The following MGAT5B variants were observed in gnomAD, a reference collection of about 807,000 sequenced individuals.
The protein encoded by MGAT5B is N-acetylglucosaminyl-transferase Vb.
A neutral mutation model predicts 95.1 loss-of-function variants in MGAT5B; 54 were observed. That is an observed-to-expected ratio of 0.57 (90% CI 0.46 to 0.71). MGAT5B has a LOEUF of 0.71. MGAT5B is among the 30% of genes least tolerant of loss of function. The pLI is 0.00. For missense variants in MGAT5B, 935 were observed against 1,088.6 expected, an observed-to-expected ratio of 0.86 and a Z score of 1.99; for synonymous variants, 464 against 451.0, an observed-to-expected ratio of 1.03 and a Z score of -0.36.
chr17:76,914,956 A>G lies in MGAT5B; in HGVS notation c.1025+8769A>G, dbSNP rs1230271439. On this transcript the variant is annotated intron_variant, in intron 8 of 17. Coordinates refer to ENST00000569840, the MANE Select transcript of MGAT5B (RefSeq NM_001199172.2). The surrounding 1 kb of genome is among the most constrained non-coding windows in gnomAD (Gnocchi z 5.1). ...CCCGGCCACGTTTCTTCTTTTTATA[A>G]GGACACCAGTCAACTTGGATTAGGG... 6.6e-6 allele frequency among the ~76,000 whole-genome samples: 1 copy of G among 152,158 alleles called. No individual in the cohort carries two copies. The highest frequency in any genetic ancestry group is 1.5e-5 in the Non-Finnish European group (1 of 68,030).
intron 1 of MGAT5B, 39 bp from the exon 2 acceptor site, chr17:76,872,812 C>T: frequency 1.2e-6 from 2 of 1,614,162 alleles, no homozygotes; most frequent in Non-Finnish European, 1.7e-6. Context: ...GCACGATGGC[C>T]CTTCCTGCCC....
At chr17:76,939,175 C>T (rs1440635914) in intron 13 of MGAT5B, among the ~76,000 whole-genome samples, 1 of 151,758 alleles carries the variant, frequency 6.6e-6, no homozygotes, top group Non-Finnish European at 1.5e-5. Flanking sequence ...TGAGGCCAGC[C>T]CTGTGCACTC....
At chr17:76,933,762 T>C (rs999069573) in intron 12 of MGAT5B, among the ~76,000 whole-genome samples, 1 of 152,202 alleles carries the variant, frequency 6.6e-6, no homozygotes, top group South Asian at 2.1e-4. Context: ...ATAATCGTGA[T>C]TTAAACAAGA....
At chr17:76,879,896 G>A (rs756860171) in intron 2 of MGAT5B, among the ~76,000 whole-genome samples, 28 of 152,210 alleles carry the variant, frequency 1.8e-4, no homozygotes, top group East Asian at 3.9e-4. Flanking sequence ...AGTTATGAGC[G>A]ATGGCTCACC....
intron 3 of MGAT5B, among the ~76,000 whole-genome samples, chr17:76,890,533 T>G (rs1341900299): frequency 3.3e-5 from 5 of 152,208 alleles, no homozygotes; most frequent in African/African-American, 9.6e-5. Flanking sequence ...AGACAGGGTC[T>G]CCCTCTGTTG....
Position 76,949,713 on chromosome 17 carries a change from CAG to C in MGAT5B, c.*879_*880del, listed in dbSNP as rs1376784540. On this transcript the variant is annotated 3_prime_UTR_variant, in exon 18 of 18. Coordinates refer to ENST00000569840, the MANE Select transcript of MGAT5B (RefSeq NM_001199172.2). ...AAGGGGCAGGTTTCCAGTCCAGCCTCAGAGATCAGGCTCTGGGACCCCTGCCT... is the reference window on the plus strand; with the variant it reads ...AAGGGGCAGGTTTCCAGTCCAGCCTCAGATCAGGCTCTGGGACCCCTGCCT... The C allele has an allele frequency of 6.6e-6, 1 of 152,200 alleles. No individual in the cohort carries two copies. The highest frequency in any genetic ancestry group is 2.4e-5 in the African/African-American group (1 of 41,426). The allele number at this position is 152,200 out of a possible 1,614,324, so 9.4% of individuals were successfully genotyped here.
At chr17:76,922,566 C>T (rs1969153012) in intron 8 of MGAT5B, among the ~76,000 whole-genome samples, 1 of 152,212 alleles carries the variant, frequency 6.6e-6, no homozygotes, top group Non-Finnish European at 1.5e-5. Flanking sequence ...AAACCTACCA[C>T]CAAATATTTC....
Position 76,924,840 on chromosome 17 carries a change from CCTTT to C in MGAT5B, c.1026-123_1026-120del. The stretch of plus-strand genomic sequence containing the variant: ...CCGTACAGGGCCATCCTGCTCACTT[CCTTT>C]CTGAGAGTCTGTGCTAAGCTCTCTG... On this transcript the variant is annotated intron_variant, in intron 8 of 17. Transcript: ENST00000569840. The C allele has an allele frequency of 9.7e-6, 12 of 1,236,672 alleles. No homozygotes were observed. The South Asian group carries it at 1.6e-4, about 17-fold the overall frequency. The allele number at this position is 1,236,672 out of a possible 1,614,324, so 76.6% of individuals were successfully genotyped here.
At position 76,870,691 on chromosome 17, in the gene MGAT5B, G is replaced by A. The variant is rs995568396; in HGVS notation, c.68+1594G>A. 6.6e-6 allele frequency among the ~76,000 whole-genome samples: 1 copy of A among 152,074 alleles called. No homozygotes were observed. Among genetic ancestry groups the A allele is most frequent in the Admixed American group, 6.5e-5 (1 of 15,292 alleles). Reference sequence around the variant, plus strand: ...CCAAAGTTGTGTAACTTCACCCCAGGGTCTCCCTGGGCTGCCCGGAGACCC... The same window carrying A: ...CCAAAGTTGTGTAACTTCACCCCAGAGTCTCCCTGGGCTGCCCGGAGACCC... On this transcript the variant is annotated intron_variant, in intron 1 of 17. Coordinates refer to ENST00000569840, the MANE Select transcript of MGAT5B (RefSeq NM_001199172.2). The surrounding 1 kb of genome is among the most constrained non-coding windows in gnomAD (Gnocchi z 5.0).
intron 5 of MGAT5B, 30 bp from the exon 6 acceptor site, chr17:76,904,222 G>GC: frequency 6.3e-7 from 1 of 1,581,428 alleles, no homozygotes; most frequent in Non-Finnish European, 8.6e-7. Flanking sequence ...GGCTGGCGCA[G>GC]CCCCCTGCCC....
Position 76,938,226 on chromosome 17 carries a change from AG to A in MGAT5B, c.1584+85del. 6.5e-7 allele frequency: 1 copy of A among 1,540,098 alleles called. No homozygotes were observed. Among genetic ancestry groups the A allele is most frequent in the Non-Finnish European group, 8.9e-7 (1 of 1,129,414 alleles). On this transcript the variant is annotated intron_variant, in intron 13 of 17. Coordinates refer to ENST00000569840, the MANE Select transcript of MGAT5B (RefSeq NM_001199172.2). The surrounding 1 kb of genome is among the most constrained non-coding windows in gnomAD (Gnocchi z 4.3). Reference sequence around the variant, plus strand: ...CCACCCATGCCTGCCACCACCACTCAGGCCCCTTCCACATATGGACATACCC... The same window carrying A: ...CCACCCATGCCTGCCACCACCACTCAGCCCCTTCCACATATGGACATACCC...
At position 76,870,395 on chromosome 17, in the gene MGAT5B, G is replaced by A. The variant is rs984849912; in HGVS notation, c.68+1298G>A. On this transcript the variant is annotated intron_variant, in intron 1 of 17. Coordinates refer to ENST00000569840, the MANE Select transcript of MGAT5B (RefSeq NM_001199172.2). This position sits in a 1 kb window ranked among gnomAD's most constrained non-coding sequence, Gnocchi z 5.0. ...CCCATGGGAAGCAGGGCGGGAAGCA[G>A]GCGTCTCTGGAAAGGGCCTTGCTCC... Among the ~76,000 whole-genome samples the A allele has an allele frequency of 7.9e-5, 12 of 152,164 alleles. No homozygotes were observed. The highest frequency in any genetic ancestry group is 7.8e-4 in the Admixed American group (12 of 15,290).
chr17:76,886,819 G>A (rs987790423), intron 3 of MGAT5B, among the ~76,000 whole-genome samples: 7 of 152,086 alleles, frequency 4.6e-5, no homozygotes, highest in Admixed American at 3.3e-4. Flanking sequence ...CGAGGTGGTC[G>A]GATCACTTGA....
rs1356832149 is a variant in MGAT5B, at chr17:76,912,788, G to GT, written c.1025+6602dup. 6.6e-6 allele frequency among the ~76,000 whole-genome samples: 1 copy of GT among 152,194 alleles called. No homozygotes were observed. The highest frequency in any genetic ancestry group is 1.5e-5 in the Non-Finnish European group (1 of 68,036). On this transcript the variant is annotated intron_variant, in intron 8 of 17. Transcript: ENST00000569840. The surrounding 1 kb of genome is among the most constrained non-coding windows in gnomAD (Gnocchi z 5.0). ...GACTGCAGCAAGGTGATGTCAGCCA[G>GT]TCCCCGCCCGCGCCCCGCCGTGTGC...
At position 76,937,898 on chromosome 17, in the gene MGAT5B, T is replaced by A; in HGVS notation, c.1429-90T>A. 3 of 1,514,670 alleles carry A rather than the reference T, an allele frequency of 2.0e-6. No homozygotes were observed. In the South Asian group the frequency reaches 3.7e-5, roughly 19 times the overall value. The allele number at this position is 1,514,670 out of a possible 1,614,324, so 93.8% of individuals were successfully genotyped here. A position where few individuals can be genotyped will look rare whatever the true frequency, so the allele number is the denominator to read the frequency against. ...GCCAACCTGAGACTGGGTCCACATC[T>A]TCTGACTTCCAGACCAAAGGGATCT... is the stretch of plus-strand genomic sequence containing the variant. On this transcript the variant is annotated intron_variant, in intron 12 of 17. Transcript: ENST00000569840.
Position 76,905,051 on chromosome 17 carries a change from G to A in MGAT5B, c.691-118G>A, listed in dbSNP as rs1406245827. On this transcript the variant is annotated intron_variant, in intron 6 of 17. Coordinates refer to ENST00000569840, the MANE Select transcript of MGAT5B (RefSeq NM_001199172.2). The surrounding 1 kb of genome is among the most constrained non-coding windows in gnomAD (Gnocchi z 4.2). ...CTAATGAGCCCCTTAGAAAGTGCAG[G>A]AGAAGCTGGAGCAGGCCCCAGCCTC... 7.1e-6 allele frequency: 8 copies of A among 1,131,944 alleles called. No individual in the cohort carries two copies. Among genetic ancestry groups the A allele is most frequent in the Non-Finnish European group, 9.8e-6 (8 of 817,302 alleles). 70.1% of individuals were successfully genotyped at this position (1,131,944 alleles called of 1,614,324 possible).
At chr17:76,892,303 C>T (rs1330091864) in intron 3 of MGAT5B, among the ~76,000 whole-genome samples, 4 of 152,258 alleles carry the variant, frequency 2.6e-5, no homozygotes, top group Non-Finnish European at 4.4e-5. Context: ...CCGCCCCGGC[C>T]TCCCAAAGTG....
At chr17:76,903,267 G>T (rs770533667) in intron 4 of MGAT5B, 36 bp from the exon 5 acceptor site, 15 of 1,581,244 alleles carry the variant, frequency 9.5e-6, no homozygotes, top group African/African-American at 1.4e-5. Flanking sequence ...CTCCTCCTTG[G>T]ACCAGGGACT....
intron 2 of MGAT5B, among the ~76,000 whole-genome samples, chr17:76,880,387 G>T (rs1400779393): frequency 1.3e-5 from 2 of 152,166 alleles, no homozygotes; most frequent in African/African-American, 2.4e-5. Context: ...CCAGCCAGGG[G>T]GTGACTTATA....
Sources: allele counts gnomAD v4.1 joint callset (sites outside exome capture counted in the v4.1 genomes callset), GRCh38; gene constraint gnomAD v4.1.1; non-coding constraint Gnocchi (gnomAD v3.1); transcripts MANE v1.5; gene names NCBI Gene and HGNC (gene_info 2026-07-23, HGNC 2026-07-21).